GRM5: variants seen among roughly 807,000 people sequenced by gnomAD.
GRM5 encodes glutamate metabotropic receptor 5.
Under a neutral mutation model 83.1 loss-of-function variants are expected in GRM5, and 19 were observed. That is an observed-to-expected ratio of 0.23 (90% confidence interval 0.16 to 0.34). The LOEUF (loss-of-function observed/expected upper bound fraction) is 0.34, where lower values mean the gene tolerates loss of function less well. GRM5 is among the 10% of genes least tolerant of loss of function. The pLI, the probability that GRM5 is intolerant of heterozygous loss-of-function variation, is 1.00. For missense variants in GRM5, 1,160 were observed against 1,588.3 expected (o/e 0.73, Z 4.58); for synonymous variants, 675 against 633.6 (o/e 1.07, Z -0.98).
intron 8 of GRM5, among the ~76,000 whole-genome samples, chr11:88,562,613 G>A (rs977519088): frequency 3.9e-5 from 6 of 151,928 alleles, no homozygotes; most frequent in African/African-American, 1.4e-4. Flanking sequence ...CTCCTACTTT[G>A]TGCTCCACTT....
chr11:88,581,098 G>C (rs899289989), intron 7 of GRM5, among the ~76,000 whole-genome samples: 6 of 152,050 alleles, frequency 3.9e-5, no homozygotes, highest in Non-Finnish European at 5.9e-5. Flanking sequence ...GGGCGACAGA[G>C]CAAGATTCCA....
intron 4 of GRM5, among the ~76,000 whole-genome samples, chr11:88,621,206 T>A (rs149642234): frequency 1.3e-5 from 2 of 152,208 alleles, no homozygotes; most frequent in Non-Finnish European, 2.9e-5. Flanking sequence ...TATACTAAGA[T>A]CAAACTCCTA....
rs139576525 is a variant in GRM5 at position 88,841,700 on chromosome 11, A to G, written c.911+8206T>C. Among the ~76,000 whole-genome samples the G allele has an allele frequency of 4.4e-3, 676 of 152,254 alleles. 3 individuals carry two copies. The highest frequency in any genetic ancestry group is 0.016 in the African/African-American group (652 of 41,548). On this transcript the variant is annotated intron_variant, in intron 3 of 9. Coordinates refer to ENST00000305447, the MANE Select transcript of GRM5 (RefSeq NM_001143831.3). ...CGGAATCCACAGTACATATTAAGCA[A>G]CTCAACTTTTTCTTGTGATATCATG...
chr11:88,989,321 T>C (rs1266976547), intron 2 of GRM5, among the ~76,000 whole-genome samples: 1 of 141,850 alleles, frequency 7.0e-6, no homozygotes, highest in Non-Finnish European at 1.5e-5. Flanking sequence ...CTATCCTAAA[T>C]ATATATGCAC....
At chr11:88,611,228 G>C (rs1363859867) in intron 4 of GRM5, among the ~76,000 whole-genome samples, 2 of 152,162 alleles carry the variant, frequency 1.3e-5, no homozygotes, top group Middle Eastern at 3.4e-3. Flanking sequence ...TGCTGGCTTT[G>C]TAGAATGAGT....
intron 3 of GRM5, among the ~76,000 whole-genome samples, chr11:88,661,216 C>G (rs1939897177): frequency 6.6e-6 from 1 of 152,148 alleles, no homozygotes; most frequent in Non-Finnish European, 1.5e-5. Context: ...ATACCAAATA[C>G]TCAAGAAATG....
At position 88,567,377 on chromosome 11, in the gene GRM5, T is replaced by A. The variant is rs780140139; in HGVS notation, c.2306A>T (p.Asn769Ile). The change falls in exon 8 of 10, where the codon AAC (asparagine) becomes ATC (isoleucine). Residue 769 changes from asparagine (N) to isoleucine (I), a missense_variant. By Grantham distance (149) the Asn-to-Ile change is moderately radical. Around this residue, in one of 9 missense-constraint regions of GRM5, gnomAD observed 66 missense variants for 138.6 expected, o/e 0.48. Coordinates refer to ENST00000305447, the MANE Select transcript of GRM5 (RefSeq NM_001143831.3). This position sits in a 1 kb window ranked among gnomAD's most constrained non-coding sequence, Gnocchi z 7.3. The part of the protein sequence containing the change: ...FKTRNVPANF[N>I]EAKYIAFTMY... The stretch of plus-strand genomic sequence containing the variant: ...TGTGAAGGCGATATACTTGGCCTCG[T>A]TGAAGTTAGCTGGAACATTTCTGGT... The A allele has an allele frequency of 6.2e-7, 1 of 1,614,136 alleles. No homozygotes were observed. The highest frequency in any genetic ancestry group is 8.5e-7 in the Non-Finnish European group (1 of 1,179,962).
intron 4 of GRM5, among the ~76,000 whole-genome samples, chr11:88,623,833 G>A (rs1938711169): frequency 6.6e-6 from 1 of 152,010 alleles, no homozygotes; most frequent in Admixed American, 6.6e-5. Flanking sequence ...TCCAAACTTG[G>A]TCTTCTAGCT....
chr11:88,922,739 A>C (rs1945713929), intron 2 of GRM5, among the ~76,000 whole-genome samples: 1 of 152,152 alleles, frequency 6.6e-6, no homozygotes, highest in Non-Finnish European at 1.5e-5. Flanking sequence ...GATCATATCA[A>C]GTTAAAAATC....
intron 4 of GRM5, among the ~76,000 whole-genome samples, chr11:88,618,502 A>T (rs1474351499): frequency 6.6e-6 from 1 of 151,984 alleles, no homozygotes; most frequent in East Asian, 1.9e-4. Flanking sequence ...TCATTCAGAG[A>T]TTAAGTCATT....
At chr11:88,533,690 G>A (rs1942069389) in intron 8 of GRM5, among the ~76,000 whole-genome samples, 1 of 152,074 alleles carries the variant, frequency 6.6e-6, no homozygotes, top group Non-Finnish European at 1.5e-5. Context: ...TGACAAAAAG[G>A]AAAATTAAAT....
intron 2 of GRM5, among the ~76,000 whole-genome samples, chr11:88,880,086 G>C (rs1944926935): frequency 1.3e-5 from 2 of 152,042 alleles, no homozygotes; most frequent in African/African-American, 4.8e-5. Flanking sequence ...ATTTTGACAT[G>C]AGCCAGCCAA....
intron 2 of GRM5, among the ~76,000 whole-genome samples, chr11:88,913,857 A>G (rs591571): frequency 0.96 from 145,751 of 152,190 alleles, 69,876 homozygotes; most frequent in East Asian, 0.99. Flanking sequence ...AAAGTGCTAG[A>G]ATTACAGGTG....
At chr11:88,663,542 G>A (rs1051153426) in intron 3 of GRM5, among the ~76,000 whole-genome samples, 1 of 152,192 alleles carries the variant, frequency 6.6e-6, no homozygotes, top group African/African-American at 2.4e-5. Context: ...CTTTGAATGA[G>A]CTATTGTATC....
intron 3 of GRM5, among the ~76,000 whole-genome samples, chr11:88,734,144 A>G (rs997610753): frequency 6.6e-6 from 1 of 151,960 alleles, no homozygotes; most frequent in African/African-American, 2.4e-5. Flanking sequence ...AATTCCTGCA[A>G]TTCAGTAGCA....
At chr11:88,993,304 C>G (rs1398662635) in intron 2 of GRM5, among the ~76,000 whole-genome samples, 2 of 146,484 alleles carry the variant, frequency 1.4e-5, no homozygotes, top group Non-Finnish European at 3.0e-5. Flanking sequence ...CAGTTTCATT[C>G]TTTTATATAT....
chr11:88,567,193 C>T lies in GRM5; in HGVS notation c.2490G>A (p.Glu830=), dbSNP rs1400547796. Residue 830 remains glutamate, a synonymous_variant, in exon 8 of 10, where the codon GAG becomes GAA. Coordinates refer to ENST00000305447, the MANE Select transcript of GRM5 (RefSeq NM_001143831.3). This position sits in a 1 kb window ranked among gnomAD's most constrained non-coding sequence, Gnocchi z 7.3. ...PKVYIILAKP[E]RNVRSAFTTS... ...TGGTGAAGGCGCTGCGCACGTTTCT[C>T]TCTGGTTTGGCCAGGATGATGTACA... 3 of 1,614,136 alleles carry T rather than the reference C, an allele frequency of 1.9e-6. No individual in the cohort carries two copies. The highest frequency in any genetic ancestry group is 1.1e-5 in the South Asian group (1 of 91,068).
chr11:88,538,439 T>A (rs1942186902), intron 8 of GRM5, among the ~76,000 whole-genome samples: 1 of 152,168 alleles, frequency 6.6e-6, no homozygotes, highest in South Asian at 2.1e-4. Context: ...AGGGAAAACT[T>A]TTCAGGGAGG....
intron 3 of GRM5, among the ~76,000 whole-genome samples, chr11:88,748,924 C>G (rs139828852): frequency 1.3e-4 from 20 of 152,252 alleles, no homozygotes; most frequent in African/African-American, 4.6e-4. Context: ...AGAAACCCCA[C>G]AGAAACCCCA....
Sources: gnomAD v4.1 joint callset for allele counts (sites outside exome capture counted in the v4.1 genomes callset) on GRCh38, gnomAD v4.1.1 for gene constraint, gnomAD v4.1.1 regional missense constraint, Gnocchi (gnomAD v3.1) non-coding constraint, MANE v1.5 for transcripts, NCBI Gene and HGNC (gene_info 2026-07-23, HGNC 2026-07-21) for gene names.